NCKAP5L: variants seen among roughly 807,000 people sequenced by gnomAD.
NCKAP5L encodes nck-associated protein 5-like.
NCKAP5L carries 54 observed loss-of-function variants against 103.2 expected under a neutral mutation model. The observed-to-expected ratio is 0.52, with a 90% CI of 0.42 to 0.66. NCKAP5L has a LOEUF of 0.66. Ranked by LOEUF, NCKAP5L falls within the 30% of genes least tolerant of loss-of-function variation. NCKAP5L has a pLI of 0.00. For missense variants in NCKAP5L, 1,733 were observed against 1,750.6 expected, an observed-to-expected ratio of 0.99 and a Z score of 0.18; for synonymous variants, 762 against 748.6, an observed-to-expected ratio of 1.02 and a Z score of -0.29.
chr12:49,799,967 G>T (rs1006337626), intron 6 of NCKAP5L, among the ~76,000 whole-genome samples: 2 of 152,146 alleles, frequency 1.3e-5, no homozygotes, highest in Admixed American at 1.3e-4. Context: ...AGGCAGAGGC[G>T]GGTGGGTCAC....
intron 1 of NCKAP5L, among the ~76,000 whole-genome samples, chr12:49,812,255 G>A (rs762410065): frequency 6.6e-6 from 1 of 152,086 alleles, no homozygotes; most frequent in Non-Finnish European, 1.5e-5. Context: ...CCCTATTCTG[G>A]ACATTTCATG....
At chr12:49,793,323 GC>G in intron 10 of NCKAP5L, 28 bp downstream of exon 10, 1 of 1,590,686 alleles carries the variant, frequency 6.3e-7, no homozygotes. Context: ...GTGGGGGCAG[GC>G]CCATCCTCAG....
chr12:49,827,736 G>C (rs946449855), intron 1 of NCKAP5L, among the ~76,000 whole-genome samples: 1 of 152,178 alleles, frequency 6.6e-6, no homozygotes, highest in Admixed American at 6.5e-5. Context: ...CCTTCCCGCA[G>C]CCCCTCAAAG....
chr12:49,793,130 C>A, intron 10 of NCKAP5L, 144 bp from the exon 11 acceptor site: 2 of 800,040 alleles, frequency 2.5e-6, no homozygotes, highest in East Asian at 2.7e-5. Context: ...ACCTGTCCAC[C>A]AACCCCACCT....
chr12:49,808,966 G>A (rs963100370), intron 1 of NCKAP5L, among the ~76,000 whole-genome samples: 3 of 152,120 alleles, frequency 2.0e-5, no homozygotes, highest in African/African-American at 7.2e-5. Context: ...TGAGGGAGGT[G>A]ACCTCAGTGC....
chr12:49,822,157 C>T (rs556432961), intron 1 of NCKAP5L, among the ~76,000 whole-genome samples: 2 of 152,282 alleles, frequency 1.3e-5, no homozygotes, highest in South Asian at 4.1e-4. Context: ...AATAAGAAGC[C>T]TCTGTCCAGG....
At chr12:49,826,861 C>CA (rs1192638410) in intron 1 of NCKAP5L, among the ~76,000 whole-genome samples, 4 of 152,192 alleles carry the variant, frequency 2.6e-5, no homozygotes, top group African/African-American at 9.7e-5. Context: ...TCCAGGTCCT[C>CA]ACTCTCTTCG....
At chr12:49,793,319 G>C in intron 10 of NCKAP5L, 33 bp downstream of exon 10, 1 of 1,585,550 alleles carries the variant, frequency 6.3e-7, no homozygotes, top group Non-Finnish European at 8.6e-7. Flanking sequence ...GGGGGTGGGG[G>C]CAGGCCCATC....
In NCKAP5L at chr12:49,792,534, G is replaced by A; in HGVS notation, c.3704C>T (p.Thr1235Ile). 6.2e-7 allele frequency: 1 copy of A among 1,613,796 alleles called. No homozygotes were observed. Among genetic ancestry groups the A allele is most frequent in the Non-Finnish European group, 8.5e-7 (1 of 1,179,798 alleles). Residue 1235 changes from threonine to isoleucine, a missense_variant, in exon 12 of 13, where the codon ACC becomes ATC. Transcript: ENST00000335999. The surrounding 1 kb of genome is among the most constrained non-coding windows in gnomAD (Gnocchi z 4.5). Reference sequence around the variant, plus strand: ...GCCGGCTGCCCTAGTATTGGGGAAGGTCCAGTTCTTGGCCAGCTGGACAGG... The same window carrying A: ...GCCGGCTGCCCTAGTATTGGGGAAGATCCAGTTCTTGGCCAGCTGGACAGG... ...TPPVQLAKNW[T>I]FPNTRAAGSS...
chr12:49,824,611 C>T (rs1262576242), intron 1 of NCKAP5L, among the ~76,000 whole-genome samples: 2 of 152,220 alleles, frequency 1.3e-5, no homozygotes, highest in African/African-American at 4.8e-5. Context: ...CACTGTGTCC[C>T]CGGAGGGAAC....
chr12:49,826,641 TATCTAGTCC>T (rs1269515971), intron 1 of NCKAP5L, among the ~76,000 whole-genome samples: 1 of 152,198 alleles, frequency 6.6e-6, no homozygotes, highest in Non-Finnish European at 1.5e-5. Context: ...ATATTAGAGC[TATCTAGTCC>T]AACTACTGAC....
In NCKAP5L at chr12:49,795,560, G is replaced by A. The variant is rs1026099983; in HGVS notation, c.2300C>T (p.Ser767Leu). 9 of 1,539,968 alleles carry A rather than the reference G, an allele frequency of 5.8e-6. No individual in the cohort carries two copies. The highest frequency in any genetic ancestry group is 7.8e-6 in the Non-Finnish European group (9 of 1,147,432). ...CACTTTGGTGAGGCAGCTCCTTGGT[G>A]AGACAGGCTCCAGGTCCACCCGGGC... The part of the protein sequence containing the change: ...MGARVDLEPV[S>L]PRSCLTKVEL... Residue 767 changes from serine to leucine, a missense_variant, in exon 8 of 13, where the codon TCA becomes TTA. Ser to Leu is a moderately radical substitution (Grantham distance 145, BLOSUM62 -2). Transcript: ENST00000335999.
chr12:49,794,069 G>A (rs1010006624), intron 8 of NCKAP5L, among the ~76,000 whole-genome samples, 173 bp from the exon 9 acceptor site: 6 of 152,216 alleles, frequency 3.9e-5, no homozygotes, highest in Non-Finnish European at 8.8e-5. Flanking sequence ...CTGGCAACAG[G>A]CAAGGACCTT....
Position 49,797,408 on chromosome 12 carries a change from T to C in NCKAP5L, c.466-14A>G, listed in dbSNP as rs534395663. The C allele has an allele frequency of 2.8e-5, 44 of 1,573,132 alleles. No homozygotes were observed. In the East Asian group the frequency reaches 7.7e-4, roughly 27 times the overall value. On this transcript the variant is annotated splice_polypyrimidine_tract_variant and intron_variant, in intron 7 of 12. Coordinates refer to ENST00000335999, the MANE Select transcript of NCKAP5L (RefSeq NM_001037806.4). The surrounding 1 kb of genome is among the most constrained non-coding windows in gnomAD (Gnocchi z 4.5). ...CTCCCAACATACCTTAGGGGAGAGA[T>C]GATGGCATGAGGAGGAGACCACACA...
chr12:49,796,498 C>T lies in NCKAP5L; in HGVS notation c.1362G>A (p.Arg454=). 1 of 1,541,758 alleles carries T rather than the reference C, an allele frequency of 6.5e-7. No individual in the cohort carries two copies. The part of the protein sequence containing the change: ...AQGPLLPSPA[R]GLKFLKLPPT... ...GAGGCAGCTTTAGAAACTTGAGACC[C>T]CTAGCTGGAGAGGGCAGAAGGGGTC... The change falls in exon 8 of 13, where the codon AGG becomes AGA. Residue 454 remains arginine (R), a synonymous_variant. Transcript: ENST00000335999.
At chr12:49,814,454 A>G (rs2030278944) in intron 1 of NCKAP5L, among the ~76,000 whole-genome samples, 1 of 149,714 alleles carries the variant, frequency 6.7e-6, no homozygotes, top group Admixed American at 6.7e-5. Flanking sequence ...ATTGCACTCC[A>G]GCCTGGGCGA....
chr12:49,800,346 C>T (rs1223741994), intron 6 of NCKAP5L, among the ~76,000 whole-genome samples: 2 of 152,268 alleles, frequency 1.3e-5, no homozygotes, highest in Non-Finnish European at 2.9e-5. Context: ...GAGCTCCCAA[C>T]AGTCCCAGGG....
chr12:49,808,637 C>T (rs751675), intron 1 of NCKAP5L, among the ~76,000 whole-genome samples: 47,508 of 152,072 alleles, frequency 0.31, 7,661 homozygotes, highest in South Asian at 0.41. Flanking sequence ...GGGCTTTCTG[C>T]CTGCCTCTCA....
chr12:49,801,025 G>C (rs532304385), intron 6 of NCKAP5L, among the ~76,000 whole-genome samples: 1 of 152,296 alleles, frequency 6.6e-6, no homozygotes, highest in Non-Finnish European at 1.5e-5. Context: ...CGAGACGGGG[G>C]CTCCAGAGTG....
Sources: allele counts gnomAD v4.1 joint callset (sites outside exome capture counted in the v4.1 genomes callset), GRCh38; gene constraint gnomAD v4.1.1; non-coding constraint Gnocchi (gnomAD v3.1); transcripts MANE v1.5; gene names NCBI Gene and HGNC (gene_info 2026-07-23, HGNC 2026-07-21).